The following TNIK variants were observed in gnomAD, a reference collection of about 807,000 sequenced individuals.
TNIK encodes TRAF2 and NCK-interacting protein kinase.
A neutral mutation model predicts 191.3 loss-of-function variants in TNIK; 49 were observed. That is an observed-to-expected ratio of 0.26 (90% CI 0.20 to 0.32). The LOEUF (loss-of-function observed/expected upper bound fraction) is 0.32, where lower values mean the gene tolerates loss of function less well. TNIK is among the 10% of genes least tolerant of loss of function. The pLI, the probability that TNIK is intolerant of heterozygous loss-of-function variation, is 1.00. For synonymous variants in TNIK, 594 were observed against 600.9 expected, an observed-to-expected ratio of 0.99 and a Z score of 0.17; for missense variants, 1,155 against 1,702.3, an observed-to-expected ratio of 0.68 and a Z score of 5.66.
intron 25 of TNIK, 40 bp from the exon 26 acceptor site, chr3:171,084,365 A>G (rs758972889): frequency 6.3e-7 from 1 of 1,592,298 alleles, no homozygotes; most frequent in South Asian, 1.1e-5. Flanking sequence ...GACATCTTAA[A>G]AGATAACTTA....
chr3:171,178,989 G>A (rs1303687360), intron 7 of TNIK, among the ~76,000 whole-genome samples: 2 of 152,154 alleles, frequency 1.3e-5, no homozygotes, highest in African/African-American at 2.4e-5. Flanking sequence ...GCAGAGGTCT[G>A]CACAATGTGG....
At chr3:171,229,227 CA>C (rs1743318571) in intron 2 of TNIK, among the ~76,000 whole-genome samples, 1 of 152,172 alleles carries the variant, frequency 6.6e-6, no homozygotes, top group African/African-American at 2.4e-5. Context: ...TAGCTGTCAG[CA>C]GATGCTGGCC....
intron 12 of TNIK, among the ~76,000 whole-genome samples, chr3:171,153,489 C>T (rs1576980135): frequency 6.6e-6 from 1 of 152,320 alleles, no homozygotes; most frequent in African/African-American, 2.4e-5. Flanking sequence ...GCATGGTCCA[C>T]AGGCTACATT....
chr3:171,336,947 GA>G (rs1338656114), intron 2 of TNIK, among the ~76,000 whole-genome samples: 4 of 152,182 alleles, frequency 2.6e-5, no homozygotes, highest in Non-Finnish European at 4.4e-5. Flanking sequence ...TAGTGGGGAT[GA>G]GAAACACAAG....
At chr3:171,108,310 A>T (rs1560123693) in intron 19 of TNIK, 148 bp from the exon 20 acceptor site, 2 of 585,988 alleles carry the variant, frequency 3.4e-6, no homozygotes, top group Admixed American at 3.5e-5. Flanking sequence ...AGAAACATCC[A>T]TGAAAAATAT....
chr3:171,357,099 TC>T (rs1714195236), intron 2 of TNIK, among the ~76,000 whole-genome samples: 1 of 152,200 alleles, frequency 6.6e-6, no homozygotes, highest in Non-Finnish European at 1.5e-5. Context: ...ACAATTTTTT[TC>T]TTTGTCCTAT....
intron 2 of TNIK, among the ~76,000 whole-genome samples, chr3:171,248,704 T>C (rs747285240): frequency 3.3e-5 from 5 of 152,168 alleles, no homozygotes; most frequent in Non-Finnish European, 7.3e-5. Flanking sequence ...TCATAAAAAG[T>C]CCAGGTTGTG....
chr3:171,093,003 A>G (rs1429103328), intron 23 of TNIK, among the ~76,000 whole-genome samples: 1 of 152,246 alleles, frequency 6.6e-6, no homozygotes, highest in Non-Finnish European at 1.5e-5. Context: ...AATATTCTCA[A>G]CCATCTTATA....
chr3:171,190,905 T>C, intron 5 of TNIK, 118 bp from the exon 6 acceptor site: 1 of 653,780 alleles, frequency 1.5e-6, no homozygotes. Context: ...TTTTCAGAAT[T>C]ATAATCACAT....
chr3:171,152,851 A>C (rs1429294341), intron 12 of TNIK, among the ~76,000 whole-genome samples: 1 of 151,366 alleles, frequency 6.6e-6, no homozygotes, highest in Non-Finnish European at 1.5e-5. Flanking sequence ...GGCTCACTGC[A>C]AACTCCGCCT....
intron 15 of TNIK, among the ~76,000 whole-genome samples, chr3:171,131,835 CAG>C (rs1729345573): frequency 6.6e-6 from 1 of 152,144 alleles, no homozygotes; most frequent in Admixed American, 6.5e-5. Flanking sequence ...TTCAGATGGA[CAG>C]AGAGAAAGCT....
At chr3:171,070,474 A>G (rs1719045129) in intron 29 of TNIK, among the ~76,000 whole-genome samples, 1 of 151,982 alleles carries the variant, frequency 6.6e-6, no homozygotes, top group South Asian at 2.1e-4. Context: ...GAGAGAGATC[A>G]GAGAGAGAGA....
chr3:171,104,167 G>A (rs1724231027), intron 21 of TNIK, among the ~76,000 whole-genome samples: 3 of 152,012 alleles, frequency 2.0e-5, no homozygotes, highest in Non-Finnish European at 2.9e-5. Context: ...AGTAATACCT[G>A]TAGTCAAAGA....
intron 1 of TNIK, among the ~76,000 whole-genome samples, chr3:171,437,901 G>T (rs570588598): frequency 6.6e-6 from 1 of 152,332 alleles, no homozygotes; most frequent in African/African-American, 2.4e-5. Flanking sequence ...GAAATCCGGG[G>T]AGTTGATAAC....
chr3:171,459,702 A>G (rs188841242), intron 1 of TNIK, among the ~76,000 whole-genome samples: 8 of 150,412 alleles, frequency 5.3e-5, no homozygotes, highest in African/African-American at 2.0e-4. Flanking sequence ...ACACACACAC[A>G]CGCACACACG....
intron 1 of TNIK, among the ~76,000 whole-genome samples, chr3:171,450,620 T>G (rs748724519): frequency 6.6e-6 from 1 of 152,220 alleles, no homozygotes; most frequent in Non-Finnish European, 1.5e-5. Context: ...GACAAAGATA[T>G]GCAAACACAA....
chr3:171,260,651 T>C (rs1168157328), intron 2 of TNIK, among the ~76,000 whole-genome samples: 1 of 152,230 alleles, frequency 6.6e-6, no homozygotes, highest in Non-Finnish European at 1.5e-5. Context: ...CAGCTCACAA[T>C]GGTGGCTGCA....
At position 171,128,675 on chromosome 3, in the gene TNIK, A is replaced by T. The variant is rs764465579; in HGVS notation, c.1773+39T>A. 1.3e-5 allele frequency: 21 copies of T among 1,577,648 alleles called. No homozygotes were observed. The Middle Eastern group carries it at 2.4e-3, about 178-fold the overall frequency. On this transcript the variant is annotated intron_variant, in intron 16 of 32. Transcript: ENST00000436636. ...TTTTAATAATAGGTTTTCTTGTGCA[A>T]CTTATTGGAATGCCTGATGGAATGG...
chr3:171,449,473 G>T (rs924929468), intron 1 of TNIK, among the ~76,000 whole-genome samples: 1 of 152,094 alleles, frequency 6.6e-6, no homozygotes, highest in African/African-American at 2.4e-5. Context: ...AGTTTTAAAA[G>T]TTATGCCATA....
Sources: gnomAD v4.1 joint callset for allele counts (sites outside exome capture counted in the v4.1 genomes callset) on GRCh38, gnomAD v4.1.1 for gene constraint, MANE v1.5 for transcripts, NCBI Gene and HGNC (gene_info 2026-07-23, HGNC 2026-07-21) for gene names.